The following ZFHX3 variants were observed in gnomAD, a reference collection of about 807,000 sequenced individuals.
The protein encoded by ZFHX3 is zinc finger homeobox 3.
In ZFHX3, 42 loss-of-function variants were observed where a neutral mutation model predicts 279.1. The observed-to-expected ratio is 0.15, with a 90% CI of 0.12 to 0.19. The LOEUF is 0.19. Ranked by LOEUF, ZFHX3 falls within the 10% of genes least tolerant of loss-of-function variation. The probability of loss-of-function intolerance (pLI) is 1.00; values close to 1 mark genes in which losing one functional copy is unlikely to be tolerated. For missense variants in ZFHX3, 4,981 were observed against 4,754.0 expected, an observed-to-expected ratio of 1.05 and a Z score of -1.40; for synonymous variants, 2,293 against 1,957.8, an observed-to-expected ratio of 1.17 and a Z score of -4.52.
At chr16:72,791,008 C>A (rs1466976054) in intron 9 of ZFHX3, 1 of 131,200 alleles carries the variant, frequency 7.6e-6, no homozygotes, top group Non-Finnish European at 1.5e-5. Context: ...TAGCTCAACA[C>A]ACTCACAACT....
At chr16:72,907,891 C>T (rs900334733) in intron 3 of ZFHX3, among the ~76,000 whole-genome samples, 19 of 151,988 alleles carry the variant, frequency 1.3e-4, no homozygotes, top group African/African-American at 4.6e-4. Context: ...ATCATCTTGA[C>T]CAGGCTGGTC....
intron 2 of ZFHX3, among the ~76,000 whole-genome samples, chr16:73,612,869 T>C (rs917686951): frequency 1.3e-5 from 2 of 151,476 alleles, no homozygotes; most frequent in African/African-American, 4.9e-5. Context: ...TTTGATATAA[T>C]AGAAAAAAAT....
intron 5 of ZFHX3, among the ~76,000 whole-genome samples, chr16:72,820,517 G>A (rs191108572): frequency 1.3e-4 from 20 of 152,308 alleles, no homozygotes; most frequent in South Asian, 4.1e-4. Flanking sequence ...GACTGCCACC[G>A]TGAGCCCGGC....
chr16:73,586,066 C>CTA (rs1467381899), intron 2 of ZFHX3, among the ~76,000 whole-genome samples: 1 of 151,946 alleles, frequency 6.6e-6, no homozygotes, highest in African/African-American at 2.4e-5. Context: ...GGGACTACAA[C>CTA]TATATATTGT....
At chr16:73,781,345 C>T (rs1597112667) in intron 1 of ZFHX3, among the ~76,000 whole-genome samples, 1 of 152,218 alleles carries the variant, frequency 6.6e-6, no homozygotes, top group East Asian at 1.9e-4. Flanking sequence ...AGAGCCTGAT[C>T]ATTTGTGTTT....
chr16:73,549,346 T>C (rs144020964), intron 2 of ZFHX3, among the ~76,000 whole-genome samples: 1,545 of 152,220 alleles, frequency 0.01, 24 homozygotes, highest in African/African-American at 0.036. Context: ...ATATTTTTCA[T>C]ATATATTTTT....
chr16:73,883,416 T>C (rs1383031049), intron 1 of ZFHX3, among the ~76,000 whole-genome samples: 1 of 151,504 alleles, frequency 6.6e-6, no homozygotes, highest in Non-Finnish European at 1.5e-5. Flanking sequence ...TGTGTGTGTG[T>C]GTGTGTGTGT....
intron 3 of ZFHX3, among the ~76,000 whole-genome samples, chr16:73,429,145 T>C (rs2017865108): frequency 6.6e-6 from 1 of 152,098 alleles, no homozygotes; most frequent in South Asian, 2.1e-4. Context: ...ATAGGCCATA[T>C]CTAGCAACTC....
intron 5 of ZFHX3, among the ~76,000 whole-genome samples, chr16:73,197,926 T>G (rs959941878): frequency 6.1e-5 from 3 of 49,388 alleles, no homozygotes; most frequent in Admixed American, 2.1e-4. Flanking sequence ...ATTTGGTGGT[T>G]TTTTTTTTTT....
intron 5 of ZFHX3, among the ~76,000 whole-genome samples, chr16:72,825,971 C>T (rs1248420751): frequency 3.9e-5 from 6 of 152,092 alleles, no homozygotes; most frequent in Non-Finnish European, 7.4e-5. Context: ...ATCGGTCTTA[C>T]GACTACGGGC....
In ZFHX3 at chr16:72,877,796, G is replaced by A. The variant is rs979649632; in HGVS notation, c.3448+11935C>T. On this transcript the variant is annotated intron_variant, in intron 4 of 9. Coordinates refer to ENST00000268489, the MANE Select transcript of ZFHX3 (RefSeq NM_006885.4). ...TCAACTCAGGCCCCTCCTCCTTGCAGTCAGCCCTGTACTCAAGGTTGCTGG... is the reference window on the plus strand; with the variant it reads ...TCAACTCAGGCCCCTCCTCCTTGCAATCAGCCCTGTACTCAAGGTTGCTGG... Among the ~76,000 whole-genome samples, 7 of 152,190 alleles carry A rather than the reference G, an allele frequency of 4.6e-5. 1 individual carries two copies. Among genetic ancestry groups the A allele is most frequent in the Non-Finnish European group, 8.8e-5 (6 of 68,024 alleles).
intron 5 of ZFHX3, among the ~76,000 whole-genome samples, chr16:73,197,066 T>C (rs1478581608): frequency 1.3e-5 from 2 of 152,160 alleles, no homozygotes; most frequent in Non-Finnish European, 2.9e-5. Context: ...ACCATAATTG[T>C]TTATGTCTTT....
intron 5 of ZFHX3, among the ~76,000 whole-genome samples, chr16:73,180,216 C>G (rs1037275069): frequency 2.6e-5 from 4 of 152,114 alleles, no homozygotes; most frequent in African/African-American, 9.7e-5. Context: ...AGTTGCTCCA[C>G]GAAACGCAGG....
intron 5 of ZFHX3, among the ~76,000 whole-genome samples, chr16:72,815,904 G>C (rs1567530326): frequency 6.6e-6 from 1 of 152,208 alleles, no homozygotes; most frequent in Non-Finnish European, 1.5e-5. Context: ...AAACAATCTA[G>C]ATATCTTACA....
At chr16:72,921,161 A>C (rs1425995594) in intron 3 of ZFHX3, among the ~76,000 whole-genome samples, 1 of 151,724 alleles carries the variant, frequency 6.6e-6, no homozygotes, top group Non-Finnish European at 1.5e-5. Context: ...CATTCACTTA[A>C]GGACGGAGCT....
At chr16:73,710,488 C>T (rs2053348919) in intron 1 of ZFHX3, among the ~76,000 whole-genome samples, 1 of 152,192 alleles carries the variant, frequency 6.6e-6, no homozygotes, top group Non-Finnish European at 1.5e-5. Context: ...GTTCAGTCAT[C>T]AACTGTTGTC....
intron 5 of ZFHX3, among the ~76,000 whole-genome samples, chr16:73,192,669 G>A (rs1426285346): frequency 6.6e-6 from 1 of 152,200 alleles, no homozygotes; most frequent in Non-Finnish European, 1.5e-5. Context: ...TGTTTTTGAA[G>A]AAGCCCGTGG....
At chr16:73,105,396 T>TATATATATACACACACAC (rs1425315788) in intron 7 of ZFHX3, among the ~76,000 whole-genome samples, 4,297 of 33,054 alleles carry the variant, frequency 0.13, 379 homozygotes, top group African/African-American at 0.37. Context: ...CACACACACA[T>TATATATATACACACACAC]ATATATATAT....
Position 72,788,297 on chromosome 16 carries a change from G to A in ZFHX3, c.9979C>T (p.Leu3327=), listed in dbSNP as rs747529506. The change falls in exon 10 of 10, where the codon CTG becomes TTG. Residue 3327 remains leucine, a synonymous_variant. Coordinates refer to ENST00000268489, the MANE Select transcript of ZFHX3 (RefSeq NM_006885.4). ...PYYAPQIPGA[L]QSGYLQPMYG... is the part of the protein sequence containing the mutation. ...ATAGGCTGCAGGTACCCGCTCTGCA[G>A]GGCGCCAGGGATCTGGGGAGCATAA... The A allele has an allele frequency of 7.4e-6, 12 of 1,614,098 alleles. No homozygotes were observed. Among genetic ancestry groups the A allele is most frequent in the Admixed American group, 3.3e-5 (2 of 60,010 alleles).
Sources: gnomAD v4.1 joint callset for allele counts (sites outside exome capture counted in the v4.1 genomes callset) on GRCh38, gnomAD v4.1.1 for gene constraint, MANE v1.5 for transcripts, NCBI Gene and HGNC (gene_info 2026-07-23, HGNC 2026-07-21) for gene names.